The following AUTS2 variants were observed in gnomAD, a reference collection of about 807,000 sequenced individuals.
AUTS2 encodes autism susceptibility gene 2 protein.
Under a neutral mutation model 112.4 loss-of-function variants are expected in AUTS2, and 17 were observed. The ratio of observed to expected loss-of-function variants is 0.15; its 90% CI spans 0.10 to 0.23. The LOEUF (loss-of-function observed/expected upper bound fraction) is 0.23, where lower values mean the gene tolerates loss of function less well. Ranked by LOEUF, AUTS2 falls within the 10% of genes least tolerant of loss-of-function variation. AUTS2 has a pLI of 1.00. For synonymous variants in AUTS2, 751 were observed against 702.7 expected, an observed-to-expected ratio of 1.07 and a Z score of -1.09; for missense variants, 1,510 against 1,701.6, an observed-to-expected ratio of 0.89 and a Z score of 1.98.
chr7:70,506,828 A>G (rs188033639), intron 5 of AUTS2, among the ~76,000 whole-genome samples: 109 of 152,332 alleles, frequency 7.2e-4, no homozygotes, highest in African/African-American at 2.5e-3. Flanking sequence ...GGGGAAATTA[A>G]TGCAGGTACA....
At chr7:70,352,174 A>G (rs935454901) in intron 4 of AUTS2, among the ~76,000 whole-genome samples, 5 of 152,210 alleles carry the variant, frequency 3.3e-5, no homozygotes. Context: ...CTCGCTCAAA[A>G]TGTCACAATT....
intron 1 of AUTS2, among the ~76,000 whole-genome samples, chr7:69,892,164 T>C (rs1794554842): frequency 6.9e-6 from 1 of 144,812 alleles, no homozygotes; most frequent in East Asian, 2.0e-4. Context: ...TTTTTTAGTT[T>C]TGAGAATTTT....
intron 5 of AUTS2, among the ~76,000 whole-genome samples, chr7:70,629,405 A>G (rs116141378): frequency 0.034 from 5,226 of 152,138 alleles, 319 homozygotes; most frequent in African/African-American, 0.12. Flanking sequence ...CGGGGAGGCC[A>G]AGGCTGCCGT....
intron 4 of AUTS2, among the ~76,000 whole-genome samples, chr7:70,244,567 C>A (rs952726710): frequency 2.0e-5 from 3 of 152,142 alleles, no homozygotes; most frequent in Admixed American, 1.3e-4. Context: ...AGTTTCTCAT[C>A]CCTCTAAAGA....
intron 2 of AUTS2, among the ~76,000 whole-genome samples, chr7:70,076,180 T>C (rs1339247805): frequency 6.6e-6 from 1 of 152,228 alleles, no homozygotes; most frequent in Non-Finnish European, 1.5e-5. Flanking sequence ...TACTTTCTCT[T>C]TTTTTGGCGT....
chr7:69,609,650 A>G (rs1792920820), intron 1 of AUTS2, among the ~76,000 whole-genome samples: 1 of 152,262 alleles, frequency 6.6e-6, no homozygotes, highest in African/African-American at 2.4e-5. Context: ...GAGCAACTTC[A>G]TAACATTGGT....
intron 2 of AUTS2, among the ~76,000 whole-genome samples, chr7:69,999,626 C>G (rs370343382): frequency 6.6e-6 from 1 of 152,164 alleles, no homozygotes; most frequent in East Asian, 1.9e-4. Context: ...AGACATGTTT[C>G]TTGTGGGTTT....
chr7:70,696,899 A>C (rs1311979226), intron 5 of AUTS2, among the ~76,000 whole-genome samples: 1 of 152,200 alleles, frequency 6.6e-6, no homozygotes, highest in Non-Finnish European at 1.5e-5. Context: ...TCAGTTCATT[A>C]ATTTTGTAAG....
intron 5 of AUTS2, among the ~76,000 whole-genome samples, chr7:70,655,929 T>G (rs1806748456): frequency 1.3e-5 from 2 of 152,186 alleles, no homozygotes. Flanking sequence ...TTTTTCTGTT[T>G]GTTGATCATC....
At chr7:70,677,412 T>C (rs1807971587) in intron 5 of AUTS2, among the ~76,000 whole-genome samples, 1 of 152,148 alleles carries the variant, frequency 6.6e-6, no homozygotes, top group African/African-American at 2.4e-5. Flanking sequence ...CCTGAAAGCC[T>C]CCACATGCTT....
chr7:69,771,632 G>T (rs1478748473), intron 1 of AUTS2, among the ~76,000 whole-genome samples: 2 of 152,140 alleles, frequency 1.3e-5, no homozygotes, highest in Non-Finnish European at 2.9e-5. Flanking sequence ...GAAGAGTTTG[G>T]AGGACAACAG....
At chr7:70,181,988 C>T (rs563468192) in intron 4 of AUTS2, among the ~76,000 whole-genome samples, 3 of 149,562 alleles carry the variant, frequency 2.0e-5, no homozygotes, top group South Asian at 2.1e-4. Flanking sequence ...TTAGTAGAGA[C>T]GGTATTTCAT....
chr7:70,479,009 G>A (rs927525884), intron 5 of AUTS2, among the ~76,000 whole-genome samples: 8 of 151,476 alleles, frequency 5.3e-5, no homozygotes, highest in South Asian at 4.2e-4. Flanking sequence ...TGAAAATGAA[G>A]AGAAAATTTA....
chr7:69,952,566 C>A (rs1345427910), intron 2 of AUTS2, among the ~76,000 whole-genome samples: 1 of 152,148 alleles, frequency 6.6e-6, no homozygotes, highest in Non-Finnish European at 1.5e-5. Flanking sequence ...TGACTTTGGG[C>A]ATGAGTTTCT....
rs373928750 is a variant in AUTS2, at chr7:70,112,124, T to G, written c.523-6008T>G. 1.5e-4 allele frequency among the ~76,000 whole-genome samples: 23 copies of G among 152,040 alleles called. 1 individual carries two copies. In the South Asian group the frequency reaches 3.5e-3, roughly 23 times the overall value. ...TAGAAAATACATTAAGTCCATGAGT[T>G]AACTTCTAGCAAAGATTTTACAACA... On this transcript the variant is annotated intron_variant, in intron 2 of 18. Coordinates refer to ENST00000342771, the MANE Select transcript of AUTS2 (RefSeq NM_015570.4).
At position 70,633,201 on chromosome 7, in the gene AUTS2, G is replaced by A. The variant is rs1342029089; in HGVS notation, c.691-65368G>A. On this transcript the variant is annotated intron_variant, in intron 5 of 18. Transcript: ENST00000342771. ...GACATAGAGCAAAATCAGAGCGAGG[G>A]TCCCCCCACCTCTTCACTCTGGCTC... Among the ~76,000 whole-genome samples the A allele has an allele frequency of 2.0e-5, 3 of 152,102 alleles. No homozygotes were observed. In the East Asian group the frequency reaches 5.8e-4, roughly 29 times the overall value.
intron 5 of AUTS2, among the ~76,000 whole-genome samples, chr7:70,638,883 A>G (rs1452787690): frequency 3.3e-5 from 5 of 152,206 alleles, no homozygotes; most frequent in Admixed American, 3.3e-4. Flanking sequence ...GCAGGCAGAT[A>G]TTGCTGCAGG....
intron 2 of AUTS2, among the ~76,000 whole-genome samples, chr7:70,100,627 G>GTCCA (rs1804436448): frequency 6.7e-6 from 1 of 150,202 alleles, no homozygotes; most frequent in Non-Finnish European, 1.5e-5. Flanking sequence ...CCCTCCCTGT[G>GTCCA]TCCATGCGTT....
chr7:70,068,040 CAT>C (rs1202036918), intron 2 of AUTS2, among the ~76,000 whole-genome samples: 3 of 151,752 alleles, frequency 2.0e-5, no homozygotes, highest in African/African-American at 7.3e-5. Flanking sequence ...AAAAGTGTAA[CAT>C]ATAATAATAT....
Sources: allele counts gnomAD v4.1 joint callset (sites outside exome capture counted in the v4.1 genomes callset), GRCh38; gene constraint gnomAD v4.1.1; transcripts MANE v1.5; gene names NCBI Gene and HGNC (gene_info 2026-07-23, HGNC 2026-07-21).